Variants in CMTM8 observed in about 807,000 individuals in gnomAD.
CMTM8 encodes CKLF like MARVEL transmembrane domain containing 8.
Under a neutral mutation model 18.6 loss-of-function variants are expected in CMTM8, and 12 were observed. The ratio of observed to expected loss-of-function variants is 0.65; its 90% CI spans 0.41 to 1.05. The LOEUF is 1.05. CMTM8 is among the 50% of genes least tolerant of loss of function. CMTM8 has a pLI of 0.00. For synonymous variants in CMTM8, 87 were observed against 90.6 expected, an observed-to-expected ratio of 0.96 and a Z score of 0.23; for missense variants, 217 against 227.2, an observed-to-expected ratio of 0.95 and a Z score of 0.29.
intron 1 of CMTM8, among the ~76,000 whole-genome samples, chr3:32,348,382 T>G (rs1256609226): frequency 6.6e-5 from 10 of 152,172 alleles, no homozygotes; most frequent in Admixed American, 6.5e-4. Context: ...TTGGGTCTAT[T>G]TCATCCACTG....
chr3:32,368,034 A>G, intron 3 of CMTM8, 46 bp downstream of exon 3: 1 of 1,343,876 alleles, frequency 7.4e-7, no homozygotes, highest in Non-Finnish European at 1.1e-6. Context: ...TCCCTCTCCA[A>G]GGCTTGCTTG....
intron 1 of CMTM8, among the ~76,000 whole-genome samples, chr3:32,354,933 A>C (rs546983990): frequency 2.6e-5 from 4 of 152,232 alleles, no homozygotes; most frequent in Non-Finnish European, 4.4e-5. Context: ...CACTTTCAGT[A>C]AGTGTTGTTG....
intron 1 of CMTM8, among the ~76,000 whole-genome samples, chr3:32,319,154 C>G (rs978386781): frequency 7.0e-5 from 10 of 142,010 alleles, no homozygotes; most frequent in Non-Finnish European, 1.1e-4. Context: ...TCTCAGCTCA[C>G]TGCAACCTCT....
chr3:32,264,374 A>G (rs1250920170), intron 1 of CMTM8, among the ~76,000 whole-genome samples: 1 of 152,190 alleles, frequency 6.6e-6, no homozygotes, highest in Non-Finnish European at 1.5e-5. Flanking sequence ...GTGAAGGAGA[A>G]ATAAAATCCT....
intron 1 of CMTM8, among the ~76,000 whole-genome samples, chr3:32,292,121 A>G (rs1303677540): frequency 1.3e-5 from 2 of 152,144 alleles, no homozygotes; most frequent in Non-Finnish European, 2.9e-5. Flanking sequence ...TGTTTCAAGG[A>G]GAGATTATTG....
chr3:32,255,444 C>A (rs1300399368), intron 1 of CMTM8, among the ~76,000 whole-genome samples: 1 of 152,084 alleles, frequency 6.6e-6, no homozygotes, highest in African/African-American at 2.4e-5. Context: ...TCTTAAGATT[C>A]CCACCCATAT....
chr3:32,323,295 A>G (rs1379094829), intron 1 of CMTM8, among the ~76,000 whole-genome samples: 1 of 152,160 alleles, frequency 6.6e-6, no homozygotes, highest in Admixed American at 6.5e-5. Context: ...CACTTCCTTG[A>G]GATGCCTTCA....
chr3:32,342,671 G>A (rs1559384789), intron 1 of CMTM8, among the ~76,000 whole-genome samples: 1 of 152,144 alleles, frequency 6.6e-6, no homozygotes, highest in African/African-American at 2.4e-5. Context: ...ATACATGCAG[G>A]GAGCTGGAAG....
At chr3:32,253,064 C>T (rs1027401472) in intron 1 of CMTM8, among the ~76,000 whole-genome samples, 7 of 152,104 alleles carry the variant, frequency 4.6e-5, no homozygotes, top group Admixed American at 2.6e-4. Flanking sequence ...TTGTTTACTT[C>T]CATTGGCTAA....
chr3:32,244,051 C>G, intron 1 of CMTM8: 1 of 168,352 alleles, frequency 5.9e-6, no homozygotes, highest in Non-Finnish European at 1.3e-5. Context: ...TCCTGATCAA[C>G]ATAGCTGCCC....
chr3:32,343,410 A>G (rs1696536330), intron 1 of CMTM8, among the ~76,000 whole-genome samples: 1 of 152,144 alleles, frequency 6.6e-6, no homozygotes, highest in Admixed American at 6.5e-5. Flanking sequence ...TTCATGTGTC[A>G]AGTCAAGACC....
intron 1 of CMTM8, among the ~76,000 whole-genome samples, chr3:32,332,755 T>C (rs964525462): frequency 6.6e-6 from 1 of 152,132 alleles, no homozygotes; most frequent in African/African-American, 2.4e-5. Context: ...ACAGCCTTGG[T>C]CAGTGATTCT....
intron 1 of CMTM8, among the ~76,000 whole-genome samples, chr3:32,325,786 T>C (rs534535177): frequency 9.2e-5 from 14 of 152,334 alleles, no homozygotes; most frequent in Admixed American, 3.9e-4. Flanking sequence ...TTCCCCATAG[T>C]CCAGCAGATC....
At chr3:32,343,702 GT>G (rs1696542674) in intron 1 of CMTM8, among the ~76,000 whole-genome samples, 1 of 150,712 alleles carries the variant, frequency 6.6e-6, no homozygotes, top group African/African-American at 2.5e-5. Context: ...GTTTGTTTTT[GT>G]TTTTGTTTTT....
intron 1 of CMTM8, among the ~76,000 whole-genome samples, chr3:32,304,145 A>T (rs1310403970): frequency 6.6e-6 from 1 of 152,202 alleles, no homozygotes; most frequent in African/African-American, 2.4e-5. Flanking sequence ...GCTGGCATGT[A>T]TCTGGTTGTG....
At chr3:32,303,004 A>AC (rs1157059671) in intron 1 of CMTM8, among the ~76,000 whole-genome samples, 2 of 151,960 alleles carry the variant, frequency 1.3e-5, no homozygotes, top group African/African-American at 4.8e-5. Context: ...CGTCTCTTTG[A>AC]CCCCCAGCTC....
At chr3:32,328,370 CAAAAAAAAA>C (rs796201249) in intron 1 of CMTM8, among the ~76,000 whole-genome samples, 35 of 74,774 alleles carry the variant, frequency 4.7e-4, no homozygotes, top group Admixed American at 9.0e-4. Flanking sequence ...ACCCTGTCTC[CAAAAAAAAA>C]AAAAAAAAAA....
intron 1 of CMTM8, among the ~76,000 whole-genome samples, chr3:32,267,556 C>T (rs1702368019): frequency 6.6e-6 from 1 of 152,160 alleles, no homozygotes; most frequent in Non-Finnish European, 1.5e-5. Context: ...GACTTCATGT[C>T]TAAAACACCA....
chr3:32,356,270 C>T (rs544875486), intron 1 of CMTM8, among the ~76,000 whole-genome samples: 2 of 152,286 alleles, frequency 1.3e-5, no homozygotes, highest in South Asian at 4.1e-4. Context: ...CACAGCGAGC[C>T]AGGACTTGCA....
Sources: gnomAD v4.1 joint callset for allele counts (sites outside exome capture counted in the v4.1 genomes callset) on GRCh38, gnomAD v4.1.1 for gene constraint, MANE v1.5 for transcripts, NCBI Gene and HGNC (gene_info 2026-07-23, HGNC 2026-07-21) for gene names.